The following HPSE2 variants were observed in gnomAD, a reference collection of about 807,000 sequenced individuals.
HPSE2 encodes inactive heparanase-2.
HPSE2 carries 38 observed loss-of-function variants against 60.5 expected under a neutral mutation model. The observed-to-expected ratio is 0.63, with a 90% CI of 0.48 to 0.82. The LOEUF (loss-of-function observed/expected upper bound fraction) is 0.82, where lower values mean the gene tolerates loss of function less well. Ranked by LOEUF, HPSE2 falls within the 40% of genes least tolerant of loss-of-function variation. The pLI is 0.00. For synonymous variants in HPSE2, 295 were observed against 293.2 expected, an observed-to-expected ratio of 1.01 and a Z score of -0.06; for missense variants, 713 against 740.4, an observed-to-expected ratio of 0.96 and a Z score of 0.43.
intron 2 of HPSE2, among the ~76,000 whole-genome samples, chr10:99,192,455 T>C (rs2133863255): frequency 6.6e-6 from 1 of 152,242 alleles, no homozygotes; most frequent in African/African-American, 2.4e-5. Flanking sequence ...ACTTTTTTTT[T>C]AGACAGAGTC....
At chr10:99,263,795 C>A in the HPSE2 span, among the ~76,000 whole-genome samples, 362 of 152,214 alleles carry the variant, frequency 2.4e-3, 1 homozygote, top group African/African-American at 8.2e-3. Context: ...TTCATAACCT[C>A]TTGCATGTAG....
chr10:99,029,886 T>C (rs939643905), intron 3 of HPSE2, among the ~76,000 whole-genome samples: 4 of 152,172 alleles, frequency 2.6e-5, no homozygotes, highest in Admixed American at 1.3e-4. Context: ...AGACTCCCTT[T>C]CCCAGTCTGC....
At chr10:99,045,106 T>C (rs560007623) in intron 3 of HPSE2, among the ~76,000 whole-genome samples, 6 of 152,118 alleles carry the variant, frequency 3.9e-5, no homozygotes, top group Non-Finnish European at 8.8e-5. Flanking sequence ...ATGAACCACA[T>C]GCACAGTCAT....
At chr10:98,549,177 C>T (rs1412055937) in intron 9 of HPSE2, among the ~76,000 whole-genome samples, 1 of 152,142 alleles carries the variant, frequency 6.6e-6, no homozygotes, top group African/African-American at 2.4e-5. Context: ...ATACCACTTA[C>T]TGTCTCTCAT....
chr10:99,112,225 G>A (rs1375246146), intron 3 of HPSE2, among the ~76,000 whole-genome samples: 3 of 152,016 alleles, frequency 2.0e-5, no homozygotes, highest in Non-Finnish European at 4.4e-5. Flanking sequence ...TAAGCCATAG[G>A]AGAACAAAAT....
intron 2 of HPSE2, among the ~76,000 whole-genome samples, chr10:99,220,854 C>CTT (rs1210143115): frequency 1.1e-5 from 1 of 88,646 alleles, no homozygotes; most frequent in Middle Eastern, 7.8e-3. Context: ...GAGGCTTTCA[C>CTT]TTTTTTTTTT....
At chr10:98,815,979 A>G (rs992241176) in intron 3 of HPSE2, among the ~76,000 whole-genome samples, 2 of 142,300 alleles carry the variant, frequency 1.4e-5, no homozygotes, top group African/African-American at 5.1e-5. Context: ...TTGAACAATG[A>G]GAACACATGA....
Position 98,641,100 on chromosome 10 carries a change from CACCTAGGA to C in HPSE2, c.1098+739_1098+746del, listed in dbSNP as rs1473071784. On this transcript the variant is annotated intron_variant, in intron 7 of 11. Coordinates refer to ENST00000370552, the MANE Select transcript of HPSE2 (RefSeq NM_021828.5). The stretch of plus-strand genomic sequence containing the variant: ...AGATCTTACTTGGCTAATTCTAAGA[CACCTAGGA>C]ACAGTGTAAATATGGCTCAGAATTG... 5.3e-5 allele frequency among the ~76,000 whole-genome samples: 8 copies of C among 152,174 alleles called. 1 individual carries two copies. Among genetic ancestry groups the C allele is most frequent in the Admixed American group, 5.2e-4 (8 of 15,280 alleles).
At chr10:98,973,730 G>C (rs886666199) in intron 3 of HPSE2, among the ~76,000 whole-genome samples, 1 of 151,696 alleles carries the variant, frequency 6.6e-6, no homozygotes, top group Non-Finnish European at 1.5e-5. Flanking sequence ...TTTTTGCCAA[G>C]GAAAAAAATA....
chr10:98,916,364 G>T (rs1311627972), intron 3 of HPSE2, among the ~76,000 whole-genome samples: 2 of 152,158 alleles, frequency 1.3e-5, no homozygotes, highest in Non-Finnish European at 2.9e-5. Flanking sequence ...CTGTAAATTT[G>T]CCCACTGTCA....
chr10:99,200,905 T>C (rs1196057440), intron 2 of HPSE2, among the ~76,000 whole-genome samples: 3 of 152,172 alleles, frequency 2.0e-5, no homozygotes. Context: ...TTCCTACCCA[T>C]GTACCAATAC....
intron 3 of HPSE2, among the ~76,000 whole-genome samples, chr10:98,915,211 G>T (rs1355160389): frequency 1.4e-5 from 2 of 148,066 alleles, no homozygotes; most frequent in African/African-American, 5.0e-5. Flanking sequence ...GCAGTGGTGT[G>T]ATCTCTGCTC....
intron 6 of HPSE2, among the ~76,000 whole-genome samples, chr10:98,692,483 T>G (rs1242248959): frequency 6.6e-6 from 1 of 151,760 alleles, no homozygotes; most frequent in Non-Finnish European, 1.5e-5. Flanking sequence ...ACAAACAAAC[T>G]TAAGGCCGGG....
At chr10:98,874,881 T>C (rs748613441) in intron 3 of HPSE2, among the ~76,000 whole-genome samples, 4 of 152,090 alleles carry the variant, frequency 2.6e-5, no homozygotes, top group Non-Finnish European at 4.4e-5. Flanking sequence ...GTCGTTTTTG[T>C]CTTTGGTTCT....
chr10:98,639,671 A>G (rs1478630526), intron 7 of HPSE2, among the ~76,000 whole-genome samples: 2 of 152,204 alleles, frequency 1.3e-5, no homozygotes, highest in Non-Finnish European at 2.9e-5. Context: ...CAGTTTTCAA[A>G]CTGGTTTATA....
intron 2 of HPSE2, among the ~76,000 whole-genome samples, chr10:99,153,236 G>A (rs1164465127): frequency 1.3e-5 from 2 of 152,180 alleles, no homozygotes; most frequent in African/African-American, 4.8e-5. Flanking sequence ...AGCTCGAACT[G>A]GGTGGAGCCC....
intron 3 of HPSE2, among the ~76,000 whole-genome samples, chr10:99,079,026 C>T (rs749768897): frequency 1.2e-4 from 18 of 152,122 alleles, no homozygotes; most frequent in Non-Finnish European, 1.9e-4. Flanking sequence ...CTATCCAACT[C>T]GTTTCCTCCC....
intron 3 of HPSE2, among the ~76,000 whole-genome samples, chr10:98,908,140 C>G (rs927399873): frequency 2.0e-5 from 3 of 152,112 alleles, no homozygotes; most frequent in African/African-American, 7.2e-5. Flanking sequence ...ATTCTAAGCT[C>G]TTTACCTGCA....
At chr10:98,681,814 G>C (rs1396391177) in intron 6 of HPSE2, among the ~76,000 whole-genome samples, 1 of 152,004 alleles carries the variant, frequency 6.6e-6, no homozygotes, top group Non-Finnish European at 1.5e-5. Context: ...GTAACTAATT[G>C]TTCTGGTTTT....
Sources: allele counts gnomAD v4.1 joint callset (sites outside exome capture counted in the v4.1 genomes callset), GRCh38; gene constraint gnomAD v4.1.1; transcripts MANE v1.5; gene names NCBI Gene and HGNC (gene_info 2026-07-23, HGNC 2026-07-21).